EDA: variants seen among roughly 807,000 people sequenced by gnomAD.
EDA encodes the protein ectodysplasin A.
In EDA, 2 loss-of-function variants were observed where a neutral mutation model predicts 23.6. The ratio of observed to expected loss-of-function variants is 0.08; its 90% CI spans 0.03 to 0.27. EDA has a LOEUF of 0.27. Among genes scored for constraint, EDA ranks in the 10% least tolerant of loss-of-function variants. EDA has a pLI of 1.00. For synonymous variants in EDA, 131 were observed against 132.0 expected (o/e 0.99, Z 0.05); for missense variants, 229 against 324.2 (o/e 0.71, Z 2.26).
intron 1 of EDA, among the ~76,000 whole-genome samples, chrX:69,787,359 G>C (rs1208046191): frequency 2.0e-5 from 2 of 101,623 alleles, no homozygotes; most frequent in African/African-American, 7.1e-5. Context: ...TATTTTGCTC[G>C]TTAGTTGATG....
chrX:69,782,044 G>A (rs1246495688), intron 1 of EDA, among the ~76,000 whole-genome samples: 1 of 109,506 alleles, frequency 9.1e-6, no homozygotes, highest in South Asian at 4.0e-4. Context: ...TGGAGGATAC[G>A]GCAGGTGCTA....
intron 1 of EDA, among the ~76,000 whole-genome samples, chrX:69,679,552 G>A (rs978146173): frequency 8.1e-5 from 9 of 111,317 alleles, no homozygotes; most frequent in Non-Finnish European, 1.5e-4. Context: ...GTCTTGGGAG[G>A]GTGTATGTGT....
At chrX:69,956,443 G>A (rs2019008198) in intron 1 of EDA, among the ~76,000 whole-genome samples, 2 of 106,116 alleles carry the variant, frequency 1.9e-5, no homozygotes, top group Non-Finnish European at 3.9e-5. Flanking sequence ...CCAGGTTCAG[G>A]CGATTCTCCT....
chrX:69,863,535 A>G (rs1369708785), intron 1 of EDA, among the ~76,000 whole-genome samples: 1 of 32,295 alleles, frequency 3.1e-5, no homozygotes, highest in Admixed American at 2.9e-4. Context: ...GTGTGTGTAT[A>G]TATATATATA....
intron 1 of EDA, among the ~76,000 whole-genome samples, chrX:69,660,348 T>C (rs1046175915): frequency 4.5e-5 from 5 of 111,293 alleles, no homozygotes; most frequent in African/African-American, 1.6e-4. Context: ...AAATTTATTC[T>C]TTTTTTATTA....
chrX:69,789,283 G>T (rs2015323796), intron 1 of EDA, among the ~76,000 whole-genome samples: 2 of 112,270 alleles, frequency 1.8e-5, no homozygotes, highest in African/African-American at 6.5e-5. Context: ...GCTGTAGACC[G>T]GAGCTGTTCC....
chrX:70,033,471 C>A lies in EDA; in HGVS notation c.867C>A (p.Arg289=), dbSNP rs1471642587. Reference sequence around the variant, plus strand: ...CCAAGGTGTTTAAGCTACATCCCCGCAGCGGGGAGCTGGAGGTACTGGTGG... The same window carrying A: ...CCAAGGTGTTTAAGCTACATCCCCGAAGCGGGGAGCTGGAGGTACTGGTGG... ...MNPKVFKLHP[R]SGELEVLVDG... is the part of the protein sequence containing the mutation. The change falls in exon 7 of 8, where the codon CGC becomes CGA. Residue 289 remains arginine (R), a synonymous_variant. Coordinates refer to ENST00000374552, the MANE Select transcript of EDA (RefSeq NM_001399.5). 8.3e-7 allele frequency: 1 copy of A among 1,211,882 alleles called. No homozygotes were observed.
Position 69,957,099 on chromosome X carries a change from A to C in EDA, c.469A>C (p.Asn157His). The C allele has an allele frequency of 8.3e-7, 1 of 1,211,861 alleles. No individual in the cohort carries two copies. The highest frequency in any genetic ancestry group is 1.1e-6 in the Non-Finnish European group (1 of 895,311). ...SEEESRRVRR[N>H]KRSKSNEGAD... The stretch of plus-strand genomic sequence containing the variant: ...AGAAGAAAGTAGGCGTGTTCGCCGC[A>C]ATAAAAGAAGCAAAAGCAATGAAGG... Residue 157 changes from asparagine to histidine, a missense_variant, in exon 2 of 8, where the codon AAT becomes CAT. This residue lies in a region of EDA where 175 missense variants were observed against 281.8 expected (regional missense o/e 0.62). Coordinates refer to ENST00000374552, the MANE Select transcript of EDA (RefSeq NM_001399.5).
intron 1 of EDA, among the ~76,000 whole-genome samples, chrX:69,750,637 C>T (rs1272239910): frequency 5.4e-5 from 6 of 111,374 alleles, no homozygotes; most frequent in African/African-American, 1.6e-4. Context: ...ACAGTCCTAC[C>T]AACAGTGTAA....
At chrX:69,874,120 G>A (rs1244272760) in intron 1 of EDA, among the ~76,000 whole-genome samples, 2 of 111,169 alleles carry the variant, frequency 1.8e-5, no homozygotes, top group Non-Finnish European at 3.8e-5. Flanking sequence ...AGACCAGCCT[G>A]ACCAACATGG....
chrX:69,676,006 G>A (rs773549291), intron 1 of EDA, among the ~76,000 whole-genome samples: 129 of 111,091 alleles, frequency 1.2e-3, no homozygotes, highest in African/African-American at 3.8e-3. Flanking sequence ...GCCCTCAGAT[G>A]GGGGAGAACA....
intron 1 of EDA, among the ~76,000 whole-genome samples, chrX:69,772,457 TG>T (rs1162280429): frequency 8.9e-6 from 1 of 112,313 alleles, no homozygotes; most frequent in Non-Finnish European, 1.9e-5. Context: ...ATCTACATAA[TG>T]TAAAATTCAA....
At chrX:69,969,938 C>CA (rs1292845247) in intron 2 of EDA, among the ~76,000 whole-genome samples, 2 of 110,286 alleles carry the variant, frequency 1.8e-5, no homozygotes, top group African/African-American at 6.6e-5. Context: ...ACCCCCATCT[C>CA]AAAAAAAATT....
intron 1 of EDA, among the ~76,000 whole-genome samples, chrX:69,933,406 G>A: frequency 8.9e-6 from 1 of 111,873 alleles, no homozygotes. Context: ...GATAGGCCTG[G>A]CGTGGTGGCT....
chrX:69,748,021 T>C (rs1003567960), intron 1 of EDA, among the ~76,000 whole-genome samples: 6 of 111,195 alleles, frequency 5.4e-5, no homozygotes, highest in African/African-American at 2.0e-4. Context: ...ATTAGTGAAA[T>C]CATACTCAAA....
At chrX:69,888,978 T>TATATATATATATATAAA (rs1556026049) in intron 1 of EDA, among the ~76,000 whole-genome samples, 1 of 16,030 alleles carries the variant, frequency 6.2e-5, no homozygotes, top group Non-Finnish European at 1.0e-4. Flanking sequence ...TGTGGGGTAG[T>TATATATATATATATAAA]TATATATATA....
At chrX:69,938,118 T>A in intron 1 of EDA, 1 of 798,492 alleles carries the variant, frequency 1.3e-6, no homozygotes, top group Non-Finnish European at 1.8e-6. Context: ...TGTACTTGTG[T>A]CACTGAGCTC....
At chrX:69,707,086 T>C (rs1315920545) in intron 1 of EDA, among the ~76,000 whole-genome samples, 1 of 112,206 alleles carries the variant, frequency 8.9e-6, no homozygotes, top group Non-Finnish European at 1.9e-5. Context: ...CCAAAGATCA[T>C]GTTGACCAGA....
At chrX:69,883,369 C>T (rs1240526013) in intron 1 of EDA, among the ~76,000 whole-genome samples, 2 of 112,100 alleles carry the variant, frequency 1.8e-5, no homozygotes, top group Non-Finnish European at 3.8e-5. Context: ...CTCGTAGTAC[C>T]ATACAGCCAA....
Sources: gnomAD v4.1 joint callset for allele counts (sites outside exome capture counted in the v4.1 genomes callset) on GRCh38, gnomAD v4.1.1 for gene constraint, gnomAD v4.1.1 regional missense constraint, MANE v1.5 for transcripts, NCBI Gene and HGNC (gene_info 2026-07-23, HGNC 2026-07-21) for gene names.